Variants in PITPNA observed in about 807,000 individuals in gnomAD.
PITPNA encodes phosphatidylinositol transfer protein alpha.
PITPNA carries 13 observed loss-of-function variants against 50.3 expected under a neutral mutation model. The observed-to-expected ratio is 0.26, with a 90% confidence interval of 0.17 to 0.41. The LOEUF is 0.41. Among genes scored for constraint, PITPNA ranks in the 10% least tolerant of loss-of-function variants. PITPNA has a pLI of 1.00. For synonymous variants in PITPNA, 120 were observed against 119.6 expected (o/e 1.00, Z -0.02); for missense variants, 207 against 333.4 (o/e 0.62, Z 2.95).
chr17:1,556,954 T>TA (rs1057069043), intron 2 of PITPNA, among the ~76,000 whole-genome samples: 299 of 151,624 alleles, frequency 2.0e-3, no homozygotes, highest in African/African-American at 6.2e-3. Context: ...TATTATAAAA[T>TA]AAAAAAAATA....
At chr17:1,556,672 T>A (rs60030936) in intron 2 of PITPNA, among the ~76,000 whole-genome samples, 97 of 152,172 alleles carry the variant, frequency 6.4e-4, no homozygotes, top group African/African-American at 2.2e-3. Flanking sequence ...TTCCTAACGA[T>A]CGGGGTGGGA....
intron 1 of PITPNA, among the ~76,000 whole-genome samples, chr17:1,558,875 A>T (rs904316278): frequency 5.4e-5 from 8 of 147,340 alleles, no homozygotes; most frequent in African/African-American, 1.8e-4. Flanking sequence ...TTCAGTCCAA[A>T]CCTATCCTCC....
chr17:1,529,411 A>C (rs111468700), intron 10 of PITPNA, among the ~76,000 whole-genome samples: 2,641 of 151,808 alleles, frequency 0.017, 79 homozygotes, highest in African/African-American at 0.061. Context: ...AGTCCCAGCT[A>C]CTTGGGAGGC....
At chr17:1,544,561 A>C (rs990540645) in intron 4 of PITPNA, among the ~76,000 whole-genome samples, 6 of 152,220 alleles carry the variant, frequency 3.9e-5, no homozygotes, top group African/African-American at 1.4e-4. Flanking sequence ...TCAAACTGTA[A>C]CCCAAAGTAC....
At chr17:1,545,593 A>G (rs1447296948) in intron 4 of PITPNA, among the ~76,000 whole-genome samples, 1 of 152,216 alleles carries the variant, frequency 6.6e-6, no homozygotes, top group East Asian at 1.9e-4. Context: ...TTTAGAAATT[A>G]CATTTTTCCA....
chr17:1,534,859 A>G (rs913620892), intron 9 of PITPNA, among the ~76,000 whole-genome samples: 2 of 152,336 alleles, frequency 1.3e-5, no homozygotes. Flanking sequence ...AAGACATTTC[A>G]GTGCAAGGGA....
In PITPNA at chr17:1,518,280, G is replaced by C. The variant is rs1396576956; in HGVS notation, c.*2281C>G. ...GCACCCCTCCTACAGAGGCACTGCT[G>C]CTTCTGTTGGGGCTGTGACCCTGGA... is the stretch of plus-strand genomic sequence containing the variant. On this transcript the variant is annotated 3_prime_UTR_variant, in exon 12 of 12. Transcript: ENST00000313486. 6.6e-6 allele frequency: 1 copy of C among 152,576 alleles called. No homozygotes were observed. Among genetic ancestry groups the C allele is most frequent in the Non-Finnish European group, 1.5e-5 (1 of 68,062 alleles). The allele number at this position is 152,576 out of a possible 1,614,324, so 9.5% of individuals were successfully genotyped here.
intron 2 of PITPNA, among the ~76,000 whole-genome samples, chr17:1,555,582 C>T (rs2075731177): frequency 6.6e-6 from 1 of 152,194 alleles, no homozygotes; most frequent in Admixed American, 6.5e-5. Context: ...TCACCTATCC[C>T]AGAGAACTAA....
chr17:1,525,012 C>T (rs374806544), intron 10 of PITPNA, among the ~76,000 whole-genome samples: 2 of 151,844 alleles, frequency 1.3e-5, no homozygotes, highest in African/African-American at 4.8e-5. Flanking sequence ...GTTTTTGAGA[C>T]AGAGTCTCGC....
At chr17:1,532,497 C>G (rs1224858248) in intron 10 of PITPNA, among the ~76,000 whole-genome samples, 1 of 152,200 alleles carries the variant, frequency 6.6e-6, no homozygotes, top group Admixed American at 6.5e-5. Flanking sequence ...CTGGAGAGTT[C>G]TTCTAGCTCC....
At chr17:1,533,791 C>T (rs554436081) in intron 10 of PITPNA, among the ~76,000 whole-genome samples, 5 of 152,240 alleles carry the variant, frequency 3.3e-5, no homozygotes, top group Non-Finnish European at 7.4e-5. Flanking sequence ...TCTGCAGCCC[C>T]GCACGCTCTT....
rs563032694 is a variant in PITPNA at position 1,522,449 on chromosome 17, T to C, written c.769-804A>G. ...GTGCAGTGGCGCAAAGTTGGCTTAC[T>C]GCAACCTCTGCCTCCTGGATTCAAG... On this transcript the variant is annotated intron_variant, in intron 10 of 11. Transcript: ENST00000313486. Among the ~76,000 whole-genome samples, 17 of 152,286 alleles carry C rather than the reference T, an allele frequency of 1.1e-4. No homozygotes were observed. The South Asian group carries it at 3.5e-3, about 32-fold the overall frequency.
In PITPNA at chr17:1,529,182, G is replaced by A. The variant is rs548574744; in HGVS notation, c.768+4917C>T. Among the ~76,000 whole-genome samples the A allele has an allele frequency of 2.0e-5, 3 of 146,770 alleles. No homozygotes were observed. In the South Asian group the frequency reaches 6.5e-4, roughly 32 times the overall value. On this transcript the variant is annotated intron_variant, in intron 10 of 11. Coordinates refer to ENST00000313486, the MANE Select transcript of PITPNA (RefSeq NM_006224.4). ...GAGAGAGAGAGACTCCATGAGGGCAGTGTCATCCTTCACATATAGGGATCC... is the reference window on the plus strand; with the variant it reads ...GAGAGAGAGAGACTCCATGAGGGCAATGTCATCCTTCACATATAGGGATCC...
At chr17:1,548,192 G>C in intron 4 of PITPNA, 104 bp downstream of exon 4, 3 of 698,168 alleles carry the variant, frequency 4.3e-6, no homozygotes, top group Non-Finnish European at 7.2e-6. Context: ...AGCCGGAAGG[G>C]ACCCAGCCCG....
intron 2 of PITPNA, 46 bp from the exon 3 acceptor site, chr17:1,553,195 A>C: frequency 6.2e-7 from 1 of 1,601,892 alleles, no homozygotes; most frequent in Non-Finnish European, 8.5e-7. Context: ...ACCCTTCTCA[A>C]CGGTTACACG....
chr17:1,521,860 G>A (rs1489185079), intron 10 of PITPNA, among the ~76,000 whole-genome samples: 1 of 150,068 alleles, frequency 6.7e-6, no homozygotes, highest in Non-Finnish European at 1.5e-5. Flanking sequence ...TCGTGTCACG[G>A]TGTTTGAAGC....
At chr17:1,527,608 A>C (rs546398597) in intron 10 of PITPNA, among the ~76,000 whole-genome samples, 2 of 152,248 alleles carry the variant, frequency 1.3e-5, no homozygotes, top group Admixed American at 1.3e-4. Flanking sequence ...AAACAAGAAG[A>C]CTTTTATTTA....
chr17:1,524,302 C>T (rs555894279), intron 10 of PITPNA, among the ~76,000 whole-genome samples: 2 of 151,132 alleles, frequency 1.3e-5, no homozygotes, highest in East Asian at 3.9e-4. Flanking sequence ...CCTTGGCCTC[C>T]CAAAGTGCTG....
At position 1,519,736 on chromosome 17, in the gene PITPNA, G is replaced by C. The variant is rs2075497528; in HGVS notation, c.*825C>G. ...TTACAGAGCTCCTCGGGGTCAGACA[G>C]TTGGTATCTAGGGGGTGACTCAATT... On this transcript the variant is annotated 3_prime_UTR_variant, in exon 12 of 12. Coordinates refer to ENST00000313486, the MANE Select transcript of PITPNA (RefSeq NM_006224.4). The C allele has an allele frequency of 6.6e-6, 1 of 152,554 alleles. No individual in the cohort carries two copies. The highest frequency in any genetic ancestry group is 2.4e-5 in the African/African-American group (1 of 41,440). The allele number at this position is 152,554 out of a possible 1,614,324, so 9.5% of individuals were successfully genotyped here.
Sources: gnomAD v4.1 joint callset for allele counts (sites outside exome capture counted in the v4.1 genomes callset) on GRCh38, gnomAD v4.1.1 for gene constraint, MANE v1.5 for transcripts, NCBI Gene and HGNC (gene_info 2026-07-23, HGNC 2026-07-21) for gene names.